The following MAP2K5 variants were observed in gnomAD, a reference collection of about 807,000 sequenced individuals.
MAP2K5 encodes the protein mitogen-activated protein kinase kinase 5, also known as dual specificity mitogen-activated protein kinase kinase 5.
MAP2K5 carries 49 observed loss-of-function variants against 83.1 expected under a neutral mutation model. The observed-to-expected ratio is 0.59, with a 90% CI of 0.47 to 0.75. MAP2K5 has a LOEUF of 0.75. Ranked by LOEUF, MAP2K5 falls within the 30% of genes least tolerant of loss-of-function variation. The probability of loss-of-function intolerance (pLI) is 0.00; values close to 1 mark genes in which losing one functional copy is unlikely to be tolerated. For missense variants in MAP2K5, 457 were observed against 557.5 expected, an observed-to-expected ratio of 0.82 and a Z score of 1.82; for synonymous variants, 202 against 191.8, an observed-to-expected ratio of 1.05 and a Z score of -0.44.
At chr15:67,601,086 C>T (rs1459316280) in intron 8 of MAP2K5, among the ~76,000 whole-genome samples, 1 of 152,100 alleles carries the variant, frequency 6.6e-6, no homozygotes, top group Admixed American at 6.6e-5. Context: ...GTACCCTACG[C>T]TAGTCCCCTG....
rs2090005073 is a variant in MAP2K5, at chr15:67,764,457, G to A, written c.1135-5145G>A. 1.3e-5 allele frequency among the ~76,000 whole-genome samples: 2 copies of A among 152,278 alleles called. No homozygotes were observed. The highest frequency in any genetic ancestry group is 3.9e-4 in the East Asian group (2 of 5,176). On this transcript the variant is annotated intron_variant, in intron 19 of 21. Transcript: ENST00000178640. This position sits in a 1 kb window ranked among gnomAD's most constrained non-coding sequence, Gnocchi z 4.9. Reference sequence around the variant, plus strand: ...CCAGCCAAACTGAACCAAAACCTCAGTGCCCTCCTGTTCATCCTGAGTGCC... The same window carrying A: ...CCAGCCAAACTGAACCAAAACCTCAATGCCCTCCTGTTCATCCTGAGTGCC...
chr15:67,700,446 G>C (rs759579186), intron 15 of MAP2K5, among the ~76,000 whole-genome samples: 22 of 152,202 alleles, frequency 1.4e-4, no homozygotes, highest in Admixed American at 5.2e-4. Context: ...TCATGTGAGA[G>C]AGTAACCTCA....
intron 3 of MAP2K5, among the ~76,000 whole-genome samples, chr15:67,571,206 A>T (rs1421097507): frequency 6.6e-6 from 1 of 152,032 alleles, no homozygotes; most frequent in African/African-American, 2.4e-5. Flanking sequence ...GAAGTTGTTT[A>T]TTTTTTTCCC....
chr15:67,788,301 C>A (rs959893818), intron 21 of MAP2K5, among the ~76,000 whole-genome samples: 12 of 152,228 alleles, frequency 7.9e-5, no homozygotes, highest in Non-Finnish European at 1.6e-4. Context: ...TTGGCCTCAG[C>A]CAGTCAGCAG....
intron 11 of MAP2K5, among the ~76,000 whole-genome samples, chr15:67,648,105 A>T (rs1381885575): frequency 1.5e-4 from 23 of 152,198 alleles, no homozygotes; most frequent in Non-Finnish European, 1.5e-4. Flanking sequence ...TCACCCTTTA[A>T]AAGTGTACAA....
intron 21 of MAP2K5, among the ~76,000 whole-genome samples, chr15:67,797,113 C>T (rs2090618175): frequency 6.6e-6 from 1 of 152,184 alleles, no homozygotes; most frequent in Admixed American, 6.6e-5. Context: ...CAGTCCTTAC[C>T]GCAGCCCCTT....
intron 11 of MAP2K5, among the ~76,000 whole-genome samples, chr15:67,653,326 C>T (rs1021437792): frequency 2.0e-5 from 3 of 151,382 alleles, no homozygotes; most frequent in Non-Finnish European, 4.4e-5. Flanking sequence ...GCTCTTGTTG[C>T]CCAGGCTAGA....
At position 67,677,240 on chromosome 15, in the gene MAP2K5, T is replaced by C. The variant is rs1333841666; in HGVS notation, c.847+12595T>C. ...TAAATATAATGCAGTTTGTTAAGGC[T>C]TAAGAGCTTTACTAGTCGAAGCCTC... On this transcript the variant is annotated intron_variant, in intron 13 of 21. Transcript: ENST00000178640. The surrounding 1 kb of genome is among the most constrained non-coding windows in gnomAD (Gnocchi z 4.2). Among the ~76,000 whole-genome samples, 2 of 152,350 alleles carry C rather than the reference T, an allele frequency of 1.3e-5. No homozygotes were observed. Among genetic ancestry groups the C allele is most frequent in the East Asian group, 3.9e-4 (2 of 5,190 alleles).
rs1298215494 is a variant in MAP2K5 at position 67,758,227 on chromosome 15, G to A, written c.1134+9626G>A. Among the ~76,000 whole-genome samples, 3 of 152,122 alleles carry A rather than the reference G, an allele frequency of 2.0e-5. No individual in the cohort carries two copies. The highest frequency in any genetic ancestry group is 4.4e-5 in the Non-Finnish European group (3 of 68,030). On this transcript the variant is annotated intron_variant, in intron 19 of 21. Transcript: ENST00000178640. This position sits in a 1 kb window ranked among gnomAD's most constrained non-coding sequence, Gnocchi z 4.7. ...AAATTGGAGGGGTTTAATCAGGACAGCCTTAGCATGTTTGAAGGGTATTTA... is the reference window on the plus strand; with the variant it reads ...AAATTGGAGGGGTTTAATCAGGACAACCTTAGCATGTTTGAAGGGTATTTA...
chr15:67,697,329 C>T (rs972781445), intron 15 of MAP2K5, among the ~76,000 whole-genome samples: 2 of 152,096 alleles, frequency 1.3e-5, no homozygotes, highest in Admixed American at 1.3e-4. Flanking sequence ...TAAATCCTCA[C>T]AACACTATGA....
chr15:67,547,607 C>T (rs528488479), intron 1 of MAP2K5, among the ~76,000 whole-genome samples: 10 of 152,104 alleles, frequency 6.6e-5, no homozygotes, highest in Admixed American at 2.0e-4. Context: ...AGATACACAC[C>T]ACACATCCAG....
At position 67,668,133 on chromosome 15, in the gene MAP2K5, G is replaced by T. The variant is rs1404499706; in HGVS notation, c.847+3488G>T. Among the ~76,000 whole-genome samples the T allele has an allele frequency of 6.6e-6, 1 of 152,100 alleles. No homozygotes were observed. Among genetic ancestry groups the T allele is most frequent in the Non-Finnish European group, 1.5e-5 (1 of 68,012 alleles). On this transcript the variant is annotated intron_variant, in intron 13 of 21. Transcript: ENST00000178640. This position sits in a 1 kb window ranked among gnomAD's most constrained non-coding sequence, Gnocchi z 4.0. ...GTTTATTTTGCTCTTTTTAAGATTTGGTTGAGATATATGTGCAGGGACTTT... is the reference window on the plus strand; with the variant it reads ...GTTTATTTTGCTCTTTTTAAGATTTTGTTGAGATATATGTGCAGGGACTTT...
chr15:67,584,619 T>C (rs913070813), intron 4 of MAP2K5, among the ~76,000 whole-genome samples: 3 of 150,958 alleles, frequency 2.0e-5, no homozygotes, highest in Admixed American at 1.3e-4. Context: ...ATATTTGGAA[T>C]ATACAAAATG....
intron 8 of MAP2K5, among the ~76,000 whole-genome samples, chr15:67,623,720 C>T (rs1001302020): frequency 6.6e-6 from 1 of 151,792 alleles, no homozygotes; most frequent in Non-Finnish European, 1.5e-5. Context: ...GTCTCAGCCT[C>T]CTGAGTAGCT....
Position 67,592,973 on chromosome 15 carries a change from A to G in MAP2K5, c.479A>G (p.Gln160Arg). Reference protein sequence around the residue: ...AELKKILANGQMNEQDIRYRD... With the variant: ...AELKKILANGRMNEQDIRYRD... ...CTGAAAAAAATACTAGCCAATGGCC[A>G]GGTAGGTATTATTATATATTAAGAT... The change falls in exon 7 of 22, where the codon CAG (glutamine) becomes CGG (arginine). Residue 160 changes from glutamine to arginine, a missense_variant and splice_region_variant. Gln to Arg is a conservative substitution (Grantham distance 43, BLOSUM62 1). This residue lies in a region of MAP2K5 where 234 missense variants were observed against 243.6 expected (regional missense o/e 0.96). Transcript: ENST00000178640. 5 of 1,591,920 alleles carry G rather than the reference A, an allele frequency of 3.1e-6. No individual in the cohort carries two copies. Among genetic ancestry groups the G allele is most frequent in the Non-Finnish European group, 4.3e-6 (5 of 1,162,236 alleles).
chr15:67,582,062 T>TC (rs1217313709), intron 4 of MAP2K5, among the ~76,000 whole-genome samples: 7 of 145,814 alleles, frequency 4.8e-5, no homozygotes, highest in Non-Finnish European at 9.1e-5. Flanking sequence ...ATGATTTCTT[T>TC]TTTTTTTTTT....
chr15:67,794,662 G>T lies in MAP2K5; in HGVS notation c.1243-11984G>T, dbSNP rs1351859763. On this transcript the variant is annotated intron_variant, in intron 21 of 21. Coordinates refer to ENST00000178640, the MANE Select transcript of MAP2K5 (RefSeq NM_145160.3). This position sits in a 1 kb window ranked among gnomAD's most constrained non-coding sequence, Gnocchi z 4.6. Reference sequence around the variant, plus strand: ...TGAAAAAAAAAAAAAAAAAAAGACGGTACTTCATTTAGCGTTATTTACATT... The same window carrying T: ...TGAAAAAAAAAAAAAAAAAAAGACGTTACTTCATTTAGCGTTATTTACATT... Among the ~76,000 whole-genome samples, 1 of 147,940 alleles carries T rather than the reference G, an allele frequency of 6.8e-6. No individual in the cohort carries two copies. The highest frequency in any genetic ancestry group is 1.5e-5 in the Non-Finnish European group (1 of 67,408).
chr15:67,674,141 C>T (rs2087620021), intron 13 of MAP2K5, among the ~76,000 whole-genome samples: 1 of 152,156 alleles, frequency 6.6e-6, no homozygotes, highest in Non-Finnish European at 1.5e-5. Context: ...GCCACCGTGC[C>T]CGGCCCCAAA....
intron 21 of MAP2K5, among the ~76,000 whole-genome samples, chr15:67,800,866 G>T (rs1214535020): frequency 1.3e-5 from 2 of 152,178 alleles, no homozygotes; most frequent in East Asian, 3.8e-4. Context: ...CATGTAAGAA[G>T]TTGAATAATA....
Sources: allele counts gnomAD v4.1 joint callset (sites outside exome capture counted in the v4.1 genomes callset), GRCh38; gene constraint gnomAD v4.1.1; regional missense constraint gnomAD v4.1.1; non-coding constraint Gnocchi (gnomAD v3.1); transcripts MANE v1.5; gene names NCBI Gene and HGNC (gene_info 2026-07-23, HGNC 2026-07-21).